Variants in COA1 observed in about 807,000 individuals in gnomAD.
COA1 encodes the protein cytochrome c oxidase assembly factor 1 homolog.
COA1 carries 13 observed loss-of-function variants against 16.0 expected under a neutral mutation model. The observed-to-expected ratio is 0.81, with a 90% CI of 0.53 to 1.29. COA1 has a LOEUF of 1.29. COA1 is among the 50% of genes most tolerant of loss of function. COA1 has a pLI of 0.00. For missense variants in COA1, 179 were observed against 177.0 expected (o/e 1.01, Z -0.06); for synonymous variants, 65 against 65.7 (o/e 0.99, Z 0.05).
rs2090898622 is a variant in COA1 at position 43,651,909 on chromosome 7, A to T, written c.-38-3257T>A. Among the ~76,000 whole-genome samples the T allele has an allele frequency of 2.6e-5, 4 of 152,180 alleles. No homozygotes were observed. In the South Asian group the frequency reaches 8.3e-4, roughly 32 times the overall value. On this transcript the variant is annotated intron_variant, in intron 1 of 5. Coordinates refer to ENST00000223336, the MANE Select transcript of COA1 (RefSeq NM_018224.4). Reference sequence around the variant, plus strand: ...CTACTCAGGAGGCTGAGGCAGGAGGATGGCTTGAGCCCAGGAGGTGGAGGT... The same window carrying T: ...CTACTCAGGAGGCTGAGGCAGGAGGTTGGCTTGAGCCCAGGAGGTGGAGGT...
intron 1 of COA1, among the ~76,000 whole-genome samples, chr7:43,664,945 G>T (rs1168361506): frequency 6.6e-6 from 1 of 152,022 alleles, no homozygotes; most frequent in Non-Finnish European, 1.5e-5. Flanking sequence ...TCTAAATTCC[G>T]ATGTTCTCAC....
chr7:43,721,018 T>C (rs1240952146), intron 1 of COA1, among the ~76,000 whole-genome samples: 1 of 152,208 alleles, frequency 6.6e-6, no homozygotes, highest in Non-Finnish European at 1.5e-5. Context: ...AAGGGATTCC[T>C]ACATGTGATA....
intron 1 of COA1, among the ~76,000 whole-genome samples, chr7:43,651,613 C>T (rs556146010): frequency 2.7e-5 from 4 of 150,612 alleles, no homozygotes; most frequent in South Asian, 2.1e-4. Context: ...TAGACAGGAT[C>T]CCACAAGGCA....
chr7:43,726,238 G>A (rs183622995), intron 1 of COA1, among the ~76,000 whole-genome samples: 53 of 152,250 alleles, frequency 3.5e-4, no homozygotes, highest in African/African-American at 1.2e-3. Flanking sequence ...CAGAGAGACA[G>A]GGAGGCAACA....
intron 1 of COA1, among the ~76,000 whole-genome samples, chr7:43,720,573 G>C (rs1290193526): frequency 2.6e-5 from 4 of 152,138 alleles, no homozygotes; most frequent in Admixed American, 6.5e-5. Context: ...TATCCTGGCA[G>C]ATCAATTAGG....
chr7:43,721,783 T>TA (rs559651764), intron 1 of COA1, among the ~76,000 whole-genome samples: 76 of 147,948 alleles, frequency 5.1e-4, no homozygotes, highest in African/African-American at 1.0e-3. Context: ...TACGGTAATT[T>TA]AAAAAAAAAA....
At chr7:43,688,316 CA>C (rs1031224297) in intron 1 of COA1, among the ~76,000 whole-genome samples, 23 of 151,954 alleles carry the variant, frequency 1.5e-4, no homozygotes, top group African/African-American at 4.1e-4. Context: ...CCTCAGAAAA[CA>C]AAAGATTCAA....
At chr7:43,625,455 A>G (rs1156805913) in intron 6 of COA1, 1 of 152,056 alleles carries the variant, frequency 6.6e-6, no homozygotes, top group Non-Finnish European at 1.5e-5. Context: ...GAAAAACCCT[A>G]ATTTTTTTTC....
At chr7:43,627,440 G>A (rs551529935) in intron 6 of COA1, among the ~76,000 whole-genome samples, 38 of 152,216 alleles carry the variant, frequency 2.5e-4, no homozygotes, top group South Asian at 1.2e-3. Flanking sequence ...GGGGTGGTGC[G>A]TGACTCAGTC....
intron 1 of COA1, among the ~76,000 whole-genome samples, chr7:43,716,288 T>C (rs541716315): frequency 1.3e-5 from 2 of 152,250 alleles, no homozygotes; most frequent in Non-Finnish European, 2.9e-5. Context: ...TAGAGACTTG[T>C]TGAATGGATT....
intron 1 of COA1, among the ~76,000 whole-genome samples, chr7:43,663,713 A>G (rs1479995410): frequency 6.6e-6 from 1 of 150,710 alleles, no homozygotes; most frequent in East Asian, 1.9e-4. Flanking sequence ...AAAACCTAAA[A>G]CCCACTGACC....
At chr7:43,612,597 A>G (rs2082973207) in intron 6 of COA1, among the ~76,000 whole-genome samples, 1 of 152,220 alleles carries the variant, frequency 6.6e-6, no homozygotes, top group Admixed American at 6.5e-5. Context: ...TTTAGTCTCC[A>G]TGCTGGTTAA....
At chr7:43,717,243 A>G (rs1283718338) in intron 1 of COA1, among the ~76,000 whole-genome samples, 1 of 152,186 alleles carries the variant, frequency 6.6e-6, no homozygotes, top group East Asian at 1.9e-4. Context: ...GAAAAGTCAC[A>G]GACACTCAAT....
chr7:43,689,686 G>C (rs2094188698), intron 1 of COA1, among the ~76,000 whole-genome samples: 1 of 152,098 alleles, frequency 6.6e-6, no homozygotes, highest in Non-Finnish European at 1.5e-5. Context: ...AAGCAAACCT[G>C]GTAATGTATT....
At chr7:43,609,540 C>T (rs2082675633) in intron 6 of COA1, 1 of 152,230 alleles carries the variant, frequency 6.6e-6, no homozygotes, top group South Asian at 2.1e-4. Context: ...TAAAGGTCCA[C>T]TATGATGATT....
intron 1 of COA1, among the ~76,000 whole-genome samples, chr7:43,677,046 C>G (rs892016909): frequency 2.0e-5 from 3 of 152,174 alleles, no homozygotes; most frequent in Admixed American, 1.3e-4. Flanking sequence ...ATCCTTTGTA[C>G]GATGCCTAAC....
At chr7:43,611,143 G>A (rs1263702853) in intron 6 of COA1, among the ~76,000 whole-genome samples, 1 of 152,192 alleles carries the variant, frequency 6.6e-6, no homozygotes, top group Non-Finnish European at 1.5e-5. Flanking sequence ...GATACAGTGT[G>A]TATAATCTGG....
At chr7:43,709,271 C>T (rs2095123094) in intron 1 of COA1, among the ~76,000 whole-genome samples, 2 of 152,118 alleles carry the variant, frequency 1.3e-5, no homozygotes, top group South Asian at 4.1e-4. Context: ...CGTTATCCAC[C>T]TGCCTCGGCC....
intron 1 of COA1, among the ~76,000 whole-genome samples, chr7:43,664,914 A>C (rs939054821): frequency 2.6e-5 from 4 of 152,196 alleles, no homozygotes; most frequent in African/African-American, 9.7e-5. Context: ...TTATGTCTTC[A>C]GTCTTTTACT....
Sources: gnomAD v4.1 joint callset for allele counts (sites outside exome capture counted in the v4.1 genomes callset) on GRCh38, gnomAD v4.1.1 for gene constraint, MANE v1.5 for transcripts, NCBI Gene and HGNC (gene_info 2026-07-23, HGNC 2026-07-21) for gene names.